Variants in LINGO2 observed in about 807,000 individuals in gnomAD.
The protein encoded by LINGO2 is leucine rich repeat and Ig domain containing 2, also known as leucine-rich repeat and immunoglobulin-like domain-containing nogo receptor-interacting protein 2.
Under a neutral mutation model 30.6 loss-of-function variants are expected in LINGO2, and 14 were observed. That is an observed-to-expected ratio of 0.46 (90% CI 0.30 to 0.72). The LOEUF is 0.72. Among genes scored for constraint, LINGO2 ranks in the 30% least tolerant of loss-of-function variants. The pLI, the probability that LINGO2 is intolerant of heterozygous loss-of-function variation, is 0.07. For synonymous variants in LINGO2, 317 were observed against 288.5 expected (o/e 1.10, Z -1.00); for missense variants, 729 against 751.7 (o/e 0.97, Z 0.35).
At chr9:28,328,303 T>TA (rs1825300802) in intron 3 of LINGO2, among the ~76,000 whole-genome samples, 1 of 152,202 alleles carries the variant, frequency 6.6e-6, no homozygotes, top group Non-Finnish European at 1.5e-5. Flanking sequence ...AGGCTGTCTG[T>TA]AATGTTATTT....
At chr9:28,553,333 G>A (rs1293471266) in intron 1 of LINGO2, among the ~76,000 whole-genome samples, 3 of 152,128 alleles carry the variant, frequency 2.0e-5, no homozygotes, top group South Asian at 4.2e-4. Flanking sequence ...ACCAAGGCTC[G>A]AGAACTACGT....
intron 1 of LINGO2, among the ~76,000 whole-genome samples, chr9:28,629,709 G>T (rs989492387): frequency 1.3e-5 from 2 of 151,972 alleles, no homozygotes; most frequent in Admixed American, 6.6e-5. Context: ...TCTGGCAGAT[G>T]GTAGAACTAG....
the LINGO2 span, among the ~76,000 whole-genome samples, chr9:28,692,080 A>G: frequency 6.6e-6 from 1 of 152,170 alleles, no homozygotes; most frequent in Non-Finnish European, 1.5e-5. Context: ...CAAAGAAAAT[A>G]AAATGGATAA....
intron 1 of LINGO2, among the ~76,000 whole-genome samples, chr9:28,570,472 G>C (rs912562616): frequency 2.6e-5 from 4 of 151,674 alleles, no homozygotes; most frequent in Admixed American, 2.0e-4. Context: ...CTGTCTATGC[G>C]ATAAAAAAAT....
intron 4 of LINGO2, among the ~76,000 whole-genome samples, chr9:28,180,212 C>G (rs1828873126): frequency 6.6e-6 from 1 of 152,084 alleles, no homozygotes; most frequent in Admixed American, 6.6e-5. Context: ...TGCCTCCATG[C>G]CATGTGCTAT....
At chr9:29,151,515 C>A in the LINGO2 span, among the ~76,000 whole-genome samples, 4 of 152,144 alleles carry the variant, frequency 2.6e-5, no homozygotes, top group Admixed American at 6.6e-5. Context: ...ACAGACCCAT[C>A]TCACATATAA....
chr9:28,433,949 C>CTCTCTCTCTATATATG (rs1225323260), intron 2 of LINGO2, among the ~76,000 whole-genome samples: 1 of 88,480 alleles, frequency 1.1e-5, no homozygotes, highest in African/African-American at 4.5e-5. Flanking sequence ...CTCTCTCTCT[C>CTCTCTCTCTATATATG]TATATATATA....
the LINGO2 span, among the ~76,000 whole-genome samples, chr9:29,055,938 G>GTATATATATATATATATATA: frequency 2.0e-5 from 2 of 99,820 alleles, no homozygotes; most frequent in Non-Finnish European, 4.2e-5. Flanking sequence ...GTATGTGTGT[G>GTATATATATATATATATATA]TGTATATATA....
At chr9:28,074,638 G>A (rs1359954646) in intron 4 of LINGO2, among the ~76,000 whole-genome samples, 1 of 152,074 alleles carries the variant, frequency 6.6e-6, no homozygotes. Context: ...CATCTCAATG[G>A]ACAGATGAAA....
chr9:28,483,519 G>A (rs764425980), intron 1 of LINGO2, among the ~76,000 whole-genome samples: 23 of 151,262 alleles, frequency 1.5e-4, no homozygotes, highest in Non-Finnish European at 3.4e-4. Context: ...ACCTAAATAT[G>A]AGGTTTCACT....
At chr9:27,968,176 A>C (rs538922273) in intron 5 of LINGO2, among the ~76,000 whole-genome samples, 1 of 152,144 alleles carries the variant, frequency 6.6e-6, no homozygotes. Flanking sequence ...AACAGCTTAT[A>C]GTCTAGTAAG....
chr9:28,443,663 C>T (rs1824288507), intron 2 of LINGO2, among the ~76,000 whole-genome samples: 1 of 152,208 alleles, frequency 6.6e-6, no homozygotes, highest in South Asian at 2.1e-4. Flanking sequence ...ACATGCCAGC[C>T]CCTGCTACCT....
At chr9:29,069,259 A>G in the LINGO2 span, among the ~76,000 whole-genome samples, 1 of 152,006 alleles carries the variant, frequency 6.6e-6, no homozygotes. Flanking sequence ...TTGACTTGAA[A>G]TAAATACTGT....
At chr9:28,674,875 C>G (rs1456021979), upstream of LINGO2, among the ~76,000 whole-genome samples, 4 of 152,122 alleles carry the variant, frequency 2.6e-5, 1 homozygote, top group Non-Finnish European at 4.4e-5. Flanking sequence ...TCGGCAGCCT[C>G]TCACCTGAAG....
chr9:28,142,897 A>G (rs1409070073), intron 4 of LINGO2, among the ~76,000 whole-genome samples: 1 of 152,210 alleles, frequency 6.6e-6, no homozygotes, highest in African/African-American at 2.4e-5. Context: ...TAGATAACTT[A>G]ACAGTTGGTT....
At chr9:28,139,861 T>C (rs1487558063) in intron 4 of LINGO2, among the ~76,000 whole-genome samples, 1 of 152,168 alleles carries the variant, frequency 6.6e-6, no homozygotes, top group African/African-American at 2.4e-5. Flanking sequence ...AAAAGAACCA[T>C]TGAACTCCCT....
intron 1 of LINGO2, among the ~76,000 whole-genome samples, chr9:28,539,074 TA>T (rs974394710): frequency 7.2e-5 from 11 of 151,990 alleles, no homozygotes; most frequent in African/African-American, 2.4e-4. Context: ...AATATGTATA[TA>T]AAATACATAC....
intron 1 of LINGO2, among the ~76,000 whole-genome samples, chr9:28,617,006 CCTTT>C (rs1350310841): frequency 1.3e-5 from 2 of 151,928 alleles, no homozygotes; most frequent in Admixed American, 6.6e-5. Context: ...GAGGTATTTT[CCTTT>C]CTTTATTTTA....
upstream of LINGO2, among the ~76,000 whole-genome samples, chr9:28,674,924 A>G (rs1314525138): frequency 2.0e-5 from 3 of 151,554 alleles, no homozygotes; most frequent in East Asian, 5.8e-4. Flanking sequence ...TGTGACCTAC[A>G]GAAATGGTCT....
Sources: allele counts gnomAD v4.1 joint callset (sites outside exome capture counted in the v4.1 genomes callset), GRCh38; gene constraint gnomAD v4.1.1; transcripts MANE v1.5; gene names NCBI Gene and HGNC (gene_info 2026-07-23, HGNC 2026-07-21).